The following RUNX1 variants were observed in gnomAD, a reference collection of about 807,000 sequenced individuals.
RUNX1 encodes runt-related transcription factor 1.
Under a neutral mutation model 42.8 loss-of-function variants are expected in RUNX1, and 19 were observed. That is an observed-to-expected ratio of 0.44 (90% CI 0.31 to 0.65). RUNX1 has a LOEUF of 0.65. Among genes scored for constraint, RUNX1 ranks in the 30% least tolerant of loss-of-function variants. RUNX1 has a pLI of 0.07. For synonymous variants in RUNX1, 271 were observed against 289.4 expected (o/e 0.94, Z 0.64); for missense variants, 528 against 672.0 (o/e 0.79, Z 2.37).
chr21:34,899,105 G>A (rs2058154846), intron 2 of RUNX1, among the ~76,000 whole-genome samples: 2 of 152,046 alleles, frequency 1.3e-5, no homozygotes, highest in Non-Finnish European at 2.9e-5. Context: ...GTAAAGATGG[G>A]GTTTCATCAT....
Position 34,965,202 on chromosome 21 carries a change from G to GCACACAGCCT in RUNX1, c.59-72240_59-72239insAGGCTGTGTG, listed in dbSNP as rs1555910191. Among the ~76,000 whole-genome samples, 12 of 151,070 alleles carry GCACACAGCCT rather than the reference G, an allele frequency of 7.9e-5. No homozygotes were observed. The East Asian group carries it at 1.4e-3, about 17-fold the overall frequency. On this transcript the variant is annotated intron_variant, in intron 2 of 8. Transcript: ENST00000675419. ...CACATACTCATATGCTCCCGCACGT[G>GCACACAGCCT]CACACACACAGCCTCACACACATGC...
At chr21:34,814,053 AAAG>A (rs2056792786) in intron 7 of RUNX1, among the ~76,000 whole-genome samples, 1 of 152,218 alleles carries the variant, frequency 6.6e-6, no homozygotes, top group Non-Finnish European at 1.5e-5. Flanking sequence ...CCTCAAAAAA[AAAG>A]AAGTCACTGG....
chr21:34,827,773 G>A (rs1317927603), intron 7 of RUNX1, among the ~76,000 whole-genome samples: 2 of 152,190 alleles, frequency 1.3e-5, no homozygotes, highest in South Asian at 2.1e-4. Context: ...AGTATGCCTT[G>A]ATGGTCTCTA....
intron 4 of RUNX1, among the ~76,000 whole-genome samples, chr21:34,883,375 G>A (rs1174460487): frequency 6.6e-6 from 1 of 151,932 alleles, no homozygotes; most frequent in African/African-American, 2.4e-5. Context: ...TAAATCCAGG[G>A]CAATTCATTA....
At chr21:34,868,549 T>G (rs980790826) in intron 5 of RUNX1, among the ~76,000 whole-genome samples, 7 of 152,172 alleles carry the variant, frequency 4.6e-5, no homozygotes, top group African/African-American at 1.7e-4. Flanking sequence ...CTCACTCTGC[T>G]TTCTCTGCTG....
chr21:35,041,094 CTTA>C (rs1264095877), intron 2 of RUNX1, among the ~76,000 whole-genome samples: 12 of 152,182 alleles, frequency 7.9e-5, no homozygotes, highest in Middle Eastern at 3.2e-3. Flanking sequence ...TTGCTCAAAT[CTTA>C]TTATTTCATT....
At chr21:35,033,348 G>A (rs1456091988) in intron 2 of RUNX1, among the ~76,000 whole-genome samples, 6 of 152,232 alleles carry the variant, frequency 3.9e-5, no homozygotes, top group Non-Finnish European at 7.3e-5. Flanking sequence ...GCAAGAAGAA[G>A]AATGTGATCC....
chr21:34,860,808 G>A (rs1439621331), intron 5 of RUNX1, among the ~76,000 whole-genome samples: 1 of 152,060 alleles, frequency 6.6e-6, no homozygotes, highest in Admixed American at 6.5e-5. Flanking sequence ...TACAAAGGAA[G>A]GCCACAGAAA....
chr21:34,837,989 T>C (rs963309012), intron 6 of RUNX1, among the ~76,000 whole-genome samples: 1 of 152,130 alleles, frequency 6.6e-6, no homozygotes, highest in African/African-American at 2.4e-5. Context: ...GGGGAAAAAA[T>C]TGTATATAAT....
chr21:34,834,298 G>T, intron 7 of RUNX1, 112 bp downstream of exon 7: 1 of 1,116,068 alleles, frequency 9.0e-7, no homozygotes, highest in Non-Finnish European at 1.4e-6. Flanking sequence ...CTTTCTCTGA[G>T]CATCAAGGGG....
intron 2 of RUNX1, among the ~76,000 whole-genome samples, chr21:34,917,943 A>C (rs2058324119): frequency 6.6e-6 from 1 of 152,040 alleles, no homozygotes; most frequent in African/African-American, 2.4e-5. Context: ...AGCCTGGCCA[A>C]CATGGTGAAA....
Position 34,967,696 on chromosome 21 carries a change from C to T in RUNX1, c.59-74733G>A, listed in dbSNP as rs932923205. 9.2e-5 allele frequency among the ~76,000 whole-genome samples: 14 copies of T among 152,278 alleles called. No homozygotes were observed. In the East Asian group the frequency reaches 2.5e-3, roughly 27 times the overall value. ...GTGACAGTGAGGGTGACTCATTAAT[C>T]CCAACACTGGGATCCTCTGAGCTCT... On this transcript the variant is annotated intron_variant, in intron 2 of 8. Transcript: ENST00000675419.
At chr21:34,984,413 G>A (rs2058869499) in intron 2 of RUNX1, among the ~76,000 whole-genome samples, 2 of 141,624 alleles carry the variant, frequency 1.4e-5, no homozygotes, top group Admixed American at 1.4e-4. Context: ...CCATATGAGG[G>A]CAGAAAAAAA....
intron 8 of RUNX1, among the ~76,000 whole-genome samples, chr21:34,793,795 C>G (rs897363867): frequency 1.3e-5 from 2 of 150,644 alleles, no homozygotes; most frequent in Non-Finnish European, 3.0e-5. Flanking sequence ...CCACCACCTC[C>G]TGGGCTCAAG....
chr21:35,033,669 T>G lies in RUNX1; in HGVS notation c.58+15173A>C, dbSNP rs186360459. ...GGAGAAGTGACCTCCCAGAGAGGAT[T>G]TGAAAATAACACATAGAAAAATGAA... On this transcript the variant is annotated intron_variant, in intron 2 of 8. Transcript: ENST00000675419. Among the ~76,000 whole-genome samples the G allele has an allele frequency of 2.7e-4, 41 of 152,366 alleles. 1 individual carries two copies. The highest frequency in any genetic ancestry group is 1.5e-5 in the Non-Finnish European group (1 of 68,034).
chr21:34,963,809 G>A (rs935771437), intron 2 of RUNX1, among the ~76,000 whole-genome samples: 1 of 152,220 alleles, frequency 6.6e-6, no homozygotes, highest in East Asian at 1.9e-4. Context: ...GTTAATGTGA[G>A]AGCAGATTCC....
intron 2 of RUNX1, among the ~76,000 whole-genome samples, chr21:34,944,830 T>C (rs192178428): frequency 3.3e-4 from 50 of 152,364 alleles, no homozygotes; most frequent in African/African-American, 1.1e-3. Flanking sequence ...AACTAATGAC[T>C]AACTATATGA....
At chr21:35,046,416 CA>C (rs1444200008) in intron 2 of RUNX1, among the ~76,000 whole-genome samples, 9 of 152,196 alleles carry the variant, frequency 5.9e-5, no homozygotes, top group Non-Finnish European at 1.2e-4. Flanking sequence ...AGGAAGAAAA[CA>C]AAGATGCTGT....
intron 7 of RUNX1, among the ~76,000 whole-genome samples, chr21:34,815,460 T>A (rs952537355): frequency 4.6e-5 from 7 of 152,160 alleles, no homozygotes; most frequent in Non-Finnish European, 7.3e-5. Flanking sequence ...AGGGCTGGGG[T>A]TGGGGGTCCT....
Sources: allele counts gnomAD v4.1 joint callset (sites outside exome capture counted in the v4.1 genomes callset), GRCh38; gene constraint gnomAD v4.1.1; transcripts MANE v1.5; gene names NCBI Gene and HGNC (gene_info 2026-07-23, HGNC 2026-07-21).